Variants in CLEC12A observed in about 807,000 individuals in gnomAD.
CLEC12A encodes the protein C-type lectin protein CLL-1.
A neutral mutation model predicts 26.5 loss-of-function variants in CLEC12A; 22 were observed. The observed-to-expected ratio is 0.83, with a 90% CI of 0.59 to 1.19. CLEC12A has a LOEUF of 1.19. CLEC12A is among the 50% of genes most tolerant of loss of function. The pLI is 0.00. For synonymous variants in CLEC12A, 119 were observed against 101.9 expected, an observed-to-expected ratio of 1.17 and a Z score of -1.01; for missense variants, 353 against 315.6, an observed-to-expected ratio of 1.12 and a Z score of -0.90.
In CLEC12A at chr12:9,971,567, CTT is replaced by C; in HGVS notation, c.-28_-27del. On this transcript the variant is annotated 5_prime_UTR_variant, in exon 1 of 6. Transcript: ENST00000304361. ...TCACTCATCTTTTTGTGTTTTTACA[CTT>C]TGTCAAGATTTCTTTACATATTCAT... 1 of 1,592,288 alleles carries C rather than the reference CTT, an allele frequency of 6.3e-7. No individual in the cohort carries two copies. Among genetic ancestry groups the C allele is most frequent in the Non-Finnish European group, 8.5e-7 (1 of 1,170,654 alleles).
At chr12:9,966,345 G>A (rs564588570) in intron 1 of CLEC12A, among the ~76,000 whole-genome samples, 104 of 152,296 alleles carry the variant, frequency 6.8e-4, no homozygotes, top group African/African-American at 1.3e-3. Context: ...TTGTTAAGCC[G>A]AGAAGATCTG....
At chr12:9,983,691 T>G (rs1237073051) in intron 5 of CLEC12A, 1 of 538,322 alleles carries the variant, frequency 1.9e-6, no homozygotes, top group Admixed American at 3.5e-5. Context: ...GATCCCTGCA[T>G]ACTCATCACA....
At chr12:9,959,728 C>T (rs1281391402) in intron 1 of CLEC12A, among the ~76,000 whole-genome samples, 1 of 152,120 alleles carries the variant, frequency 6.6e-6, no homozygotes, top group African/African-American at 2.4e-5. Context: ...TGGCATATTC[C>T]AAGGAGACCT....
chr12:10,002,005 G>T, the CLEC12A span, among the ~76,000 whole-genome samples: 4 of 150,188 alleles, frequency 2.7e-5, no homozygotes, highest in East Asian at 7.9e-4. Context: ...TCAGCCTCCC[G>T]AGTAGCTGGG....
intron 5 of CLEC12A, among the ~76,000 whole-genome samples, chr12:9,982,593 A>G (rs542164796): frequency 6.6e-6 from 1 of 152,218 alleles, no homozygotes; most frequent in African/African-American, 2.4e-5. Context: ...ACAAAACATA[A>G]ATTTTTGCAA....
the CLEC12A span, among the ~76,000 whole-genome samples, chr12:10,005,608 CAAGT>C: frequency 6.6e-6 from 1 of 152,156 alleles, no homozygotes; most frequent in East Asian, 1.9e-4. Flanking sequence ...AGCCACAAGG[CAAGT>C]AAGTGTTGCT....
At chr12:9,972,427 C>T (rs1205660081) in intron 1 of CLEC12A, among the ~76,000 whole-genome samples, 1 of 152,108 alleles carries the variant, frequency 6.6e-6, no homozygotes, top group Non-Finnish European at 1.5e-5. Context: ...CTATAGTTTT[C>T]CTATTATGTA....
intron 4 of CLEC12A, among the ~76,000 whole-genome samples, chr12:9,994,088 G>A (rs1185506771): frequency 6.6e-6 from 1 of 152,068 alleles, no homozygotes; most frequent in Non-Finnish European, 1.5e-5. Context: ...TGGGTTTAAG[G>A]GAGGCTAATT....
exon 5 of CLEC12A, chr12:9,995,304 T>A (rs767104741): frequency 7.1e-7 from 1 of 1,403,350 alleles, no homozygotes; most frequent in South Asian, 1.1e-5. Context: ...CTTGGTATGA[T>A]AGACAAAGCT....
At chr12:9,952,586 C>T (rs567475009) in intron 1 of CLEC12A, 143 of 169,124 alleles carry the variant, frequency 8.5e-4, no homozygotes, top group Non-Finnish European at 1.3e-3. Flanking sequence ...CAGCCTCTGC[C>T]CGGCCGCCAC....
upstream of CLEC12A, among the ~76,000 whole-genome samples, chr12:9,968,612 G>A (rs2137127348): frequency 6.6e-6 from 1 of 152,236 alleles, no homozygotes; most frequent in South Asian, 2.1e-4. Context: ...GCAGGAACCG[G>A]CCATCTGGAT....
Position 9,980,642 on chromosome 12 carries a change from T to C in CLEC12A, c.440T>C (p.Leu147Pro). ...WIWHKDSCYF[L>P]SDDVQTWQES... ...TGGCATAAGGACAGCTGTTATTTCC[T>C]AAGTGATGATGTCCAAACATGGCAG... is the stretch of plus-strand genomic sequence containing the variant. Residue 147 changes from leucine (L) to proline (P), a missense_variant, in exon 4 of 6, where the codon CTA (leucine) becomes CCA (proline). Leu to Pro is a moderately conservative substitution (Grantham distance 98). Transcript: ENST00000304361. The C allele has an allele frequency of 6.2e-7, 1 of 1,613,858 alleles. No individual in the cohort carries two copies. The highest frequency in any genetic ancestry group is 1.1e-5 in the South Asian group (1 of 91,074).
chr12:9,969,789 T>A (rs915653053), upstream of CLEC12A, among the ~76,000 whole-genome samples: 1 of 152,218 alleles, frequency 6.6e-6, no homozygotes, highest in Non-Finnish European at 1.5e-5. Flanking sequence ...AGGGCTACTC[T>A]TTCCCACCAG....
chr12:9,954,205 TAAAA>T (rs35173002), intron 1 of CLEC12A, among the ~76,000 whole-genome samples: 14 of 64,414 alleles, frequency 2.2e-4, no homozygotes, highest in African/African-American at 7.9e-4. Context: ...GAATTATCAA[TAAAA>T]AAAAAAAAAA....
chr12:9,977,471 A>G (rs1864383926), intron 1 of CLEC12A, among the ~76,000 whole-genome samples: 1 of 152,212 alleles, frequency 6.6e-6, no homozygotes, highest in Non-Finnish European at 1.5e-5. Context: ...CATTTTTCAC[A>G]TTGGCCACAA....
intron 1 of CLEC12A, among the ~76,000 whole-genome samples, chr12:9,978,095 C>A (rs1259794078): frequency 6.6e-6 from 1 of 152,004 alleles, no homozygotes; most frequent in Admixed American, 6.6e-5. Context: ...AATATTATTG[C>A]ACCATCAACT....
In CLEC12A at chr12:9,971,617, T is replaced by C. The variant is rs775695218; in HGVS notation, c.21T>C (p.Tyr7=). 6.2e-6 allele frequency: 10 copies of C among 1,608,586 alleles called. No homozygotes were observed. The East Asian group carries it at 1.6e-4, about 25-fold the overall frequency. Residue 7 remains tyrosine, a synonymous_variant, in exon 1 of 6, where the codon TAT becomes TAC. Transcript: ENST00000304361. MSEEVT[Y]ADLQFQNSSE... is the part of the protein sequence containing the mutation. ...CATCAATGTCTGAAGAAGTTACTTA[T>C]GCAGATCTTCAATTCCAGAACTCCA... is the stretch of plus-strand genomic sequence containing the variant.
intron 1 of CLEC12A, chr12:9,952,997 A>G (rs1863655972): frequency 8.5e-6 from 1 of 118,174 alleles, no homozygotes; most frequent in Non-Finnish European, 1.8e-5. Context: ...CCGTCTGAGA[A>G]GTGAGGAGCC....
In CLEC12A at chr12:9,973,641, C is replaced by CT. The variant is rs199911410; in HGVS notation, c.91+1962dup. ...GGTAAGAAAAAAGCATCCATCTACA[C>CT]TTTTTTTTGTTGTTATTTAAATGTC... On this transcript the variant is annotated intron_variant, in intron 1 of 5. Coordinates refer to ENST00000304361, the MANE Select transcript of CLEC12A (RefSeq NM_138337.6). Among the ~76,000 whole-genome samples, 1,448 of 151,868 alleles carry CT rather than the reference C, an allele frequency of 9.5e-3. 28 individuals carry two copies. Among genetic ancestry groups the CT allele is most frequent in the African/African-American group, 0.033 (1,350 of 41,382 alleles).
Sources: gnomAD v4.1 joint callset for allele counts (sites outside exome capture counted in the v4.1 genomes callset) on GRCh38, gnomAD v4.1.1 for gene constraint, MANE v1.5 for transcripts, NCBI Gene and HGNC (gene_info 2026-07-23, HGNC 2026-07-21) for gene names.